IL4I1: variants seen among roughly 807,000 people sequenced by gnomAD.
The protein encoded by IL4I1 is L-amino-acid oxidase.
A neutral mutation model predicts 29.7 loss-of-function variants in IL4I1; 24 were observed. The observed-to-expected ratio is 0.81, with a 90% CI of 0.59 to 1.14. The LOEUF (loss-of-function observed/expected upper bound fraction) is 1.14, where lower values mean the gene tolerates loss of function less well. Among genes scored for constraint, IL4I1 ranks in the 50% most tolerant of loss-of-function variants. The pLI is 0.00. For missense variants in IL4I1, 686 were observed against 785.6 expected, an observed-to-expected ratio of 0.87 and a Z score of 1.52; for synonymous variants, 371 against 352.5, an observed-to-expected ratio of 1.05 and a Z score of -0.59.
At chr19:49,890,928 T>TTCCCCCCCCCCCCCCCCCCCCCCCCCC in intron 7 of IL4I1, 43 bp downstream of exon 7, 1 of 633,210 alleles carries the variant, frequency 1.6e-6, no homozygotes, top group South Asian at 2.4e-5. Context: ...TTTCCCTGAT[T>TTCCCCCCCCCCCCCCCCCCCCCCCCCC]GCCCCCCGCC....
intron 2 of IL4I1, chr19:49,907,322 G>A (rs1262815879): frequency 6.2e-6 from 2 of 322,958 alleles, no homozygotes; most frequent in East Asian, 1.1e-4. Context: ...GTGGGGGTGA[G>A]CCTGGGCCAG....
intron 6 of IL4I1, 44 bp from the exon 7 acceptor site, chr19:49,891,151 C>A: frequency 6.3e-7 from 1 of 1,597,818 alleles, no homozygotes; most frequent in Non-Finnish European, 8.5e-7. Flanking sequence ...AGGCAGGCTG[C>A]ACCCCTGAGA....
intron 2 of IL4I1, among the ~76,000 whole-genome samples, chr19:49,924,023 C>T (rs2075825214): frequency 2.0e-5 from 3 of 152,252 alleles, no homozygotes; most frequent in Admixed American, 2.0e-4. Context: ...TGAGGAGTTG[C>T]GGCAATAGCA....
intron 1 of IL4I1, chr19:49,928,815 G>A (rs2075979921): frequency 6.6e-6 from 1 of 152,298 alleles, no homozygotes; most frequent in Admixed American, 6.5e-5. Context: ...TGCAAGCAAG[G>A]AAAGGGAAAG....
intron 2 of IL4I1, chr19:49,908,544 A>G: frequency 1.9e-6 from 3 of 1,614,134 alleles, no homozygotes; most frequent in Non-Finnish European, 2.5e-6. Flanking sequence ...TGCTGCAGGT[A>G]GATGGTCCCG....
rs1407690720 is a variant in IL4I1 at position 49,927,557 on chromosome 19, T to C, written c.-228+137A>G. ...TGCCTCAGTGATAACACAGCCCCTATAGGCCCAAGAAAATATAGGGCAAGT... is the reference window on the plus strand; with the variant it reads ...TGCCTCAGTGATAACACAGCCCCTACAGGCCCAAGAAAATATAGGGCAAGT... On this transcript the variant is annotated intron_variant, in intron 2 of 9. Coordinates refer to the IL4I1 transcript ENST00000341114. The C allele has an allele frequency of 3.9e-5, 6 of 152,140 alleles. No individual in the cohort carries two copies. The East Asian group carries it at 1.2e-3, about 29-fold the overall frequency. 9.4% of individuals were successfully genotyped at this position (152,140 alleles called of 1,614,324 possible). A position where few individuals can be genotyped will look rare whatever the true frequency, so the allele number is the denominator to read the frequency against.
At chr19:49,909,258 C>T in intron 2 of IL4I1, 2 of 1,613,964 alleles carry the variant, frequency 1.2e-6, no homozygotes, top group Non-Finnish European at 1.7e-6. Context: ...GTGGCAGGTG[C>T]CGTGGGCTGG....
chr19:49,910,324 G>A (rs2075431794), intron 2 of IL4I1, among the ~76,000 whole-genome samples: 1 of 152,038 alleles, frequency 6.6e-6, no homozygotes, highest in Non-Finnish European at 1.5e-5. Context: ...CACCCTGAGG[G>A]CCTCTCTGGA....
intron 2 of IL4I1, chr19:49,907,156 C>A: frequency 5.9e-6 from 1 of 168,604 alleles, no homozygotes. Context: ...CATGGGAACT[C>A]ACAATCTAAC....
At chr19:49,914,580 G>C (rs2075569795) in intron 2 of IL4I1, among the ~76,000 whole-genome samples, 1 of 152,128 alleles carries the variant, frequency 6.6e-6, no homozygotes, top group African/African-American at 2.4e-5. Context: ...AGACCCGCTT[G>C]GGATTCAGAT....
intron 3 of IL4I1, among the ~76,000 whole-genome samples, chr19:49,902,144 T>C (rs1023947460): frequency 9.2e-5 from 14 of 151,982 alleles, no homozygotes; most frequent in Admixed American, 1.3e-4. Context: ...CGATTACAGG[T>C]ACAGGCCACC....
At chr19:49,918,692 T>C (rs1401873124) in intron 2 of IL4I1, 1 of 152,222 alleles carries the variant, frequency 6.6e-6, no homozygotes, top group Non-Finnish European at 1.5e-5. Flanking sequence ...GAAGCTGTGA[T>C]GGATCAAGCT....
In IL4I1 at chr19:49,908,100, A is replaced by G; in HGVS notation, c.-227-3779T>C. The G allele has an allele frequency of 5.4e-6, 8 of 1,487,272 alleles. No homozygotes were observed. The South Asian group carries it at 9.0e-5, about 17-fold the overall frequency. 92.1% of individuals were successfully genotyped at this position (1,487,272 alleles called of 1,614,324 possible). ...CTAAATGGAAAAACGCAAAGCACACAGCGATCATGTCAAGGGCAGTCATGT... is the reference window on the plus strand; with the variant it reads ...CTAAATGGAAAAACGCAAAGCACACGGCGATCATGTCAAGGGCAGTCATGT... On this transcript the variant is annotated intron_variant, in intron 2 of 9. Coordinates refer to the IL4I1 transcript ENST00000341114.
chr19:49,899,816 A>G (rs1310517857), upstream of IL4I1, among the ~76,000 whole-genome samples: 1 of 151,932 alleles, frequency 6.6e-6, no homozygotes, highest in East Asian at 1.9e-4. Flanking sequence ...CGGCCTCCCA[A>G]AGTCCTGGGA....
At chr19:49,925,042 G>A (rs1018888342) in intron 2 of IL4I1, among the ~76,000 whole-genome samples, 10 of 152,150 alleles carry the variant, frequency 6.6e-5, no homozygotes, top group East Asian at 1.9e-4. Flanking sequence ...CGGGTGGATC[G>A]CCTGAGTTCG....
At chr19:49,928,933 C>A (rs35018314) in intron 1 of IL4I1, 12,391 of 152,560 alleles carry the variant, frequency 0.081, 631 homozygotes, top group African/African-American at 0.14. Context: ...GAAACCAGAG[C>A]TTAGAGTCAG....
chr19:49,909,937 A>C (rs2075420685), intron 2 of IL4I1: 1 of 954,918 alleles, frequency 1.0e-6, no homozygotes, highest in African/African-American at 1.6e-5. Context: ...AGGCAAGCTC[A>C]GTGGCATGAC....
chr19:49,896,446 CT>C (rs111916822), intron 1 of IL4I1, among the ~76,000 whole-genome samples: 7 of 148,914 alleles, frequency 4.7e-5, no homozygotes, highest in Admixed American at 6.7e-5. Context: ...TCCTTTCTTT[CT>C]TTTTTTTTTA....
At position 49,894,492 on chromosome 19, in the gene IL4I1, G is replaced by A. The variant is rs752154031; in HGVS notation, c.366-23C>T. 3.1e-6 allele frequency: 5 copies of A among 1,611,188 alleles called. No homozygotes were observed. The African/African-American group carries it at 6.7e-5, about 22-fold the overall frequency. On this transcript the variant is annotated intron_variant, in intron 4 of 7. Transcript: ENST00000391826. Reference sequence around the variant, plus strand: ...ATCCTGATCAGGGGAGTGGGTGAGTGAGGGCCGGGCTCCAGTGGGGGTGGC... The same window carrying A: ...ATCCTGATCAGGGGAGTGGGTGAGTAAGGGCCGGGCTCCAGTGGGGGTGGC...
Sources: gnomAD v4.1 joint callset for allele counts (sites outside exome capture counted in the v4.1 genomes callset) on GRCh38, gnomAD v4.1.1 for gene constraint, MANE v1.5 for transcripts, NCBI Gene and HGNC (gene_info 2026-07-23, HGNC 2026-07-21) for gene names.